The following GRIP2 variants were observed in gnomAD, a reference collection of about 807,000 sequenced individuals.
GRIP2 encodes the protein glutamate receptor-interacting protein 2.
Under a neutral mutation model 108.3 loss-of-function variants are expected in GRIP2, and 58 were observed. That is an observed-to-expected ratio of 0.54 (90% CI 0.43 to 0.67). The LOEUF (loss-of-function observed/expected upper bound fraction) is 0.67. GRIP2 is among the 30% of genes least tolerant of loss of function. The pLI is 0.00. For synonymous variants in GRIP2, 586 were observed against 598.2 expected, an observed-to-expected ratio of 0.98 and a Z score of 0.30; for missense variants, 1,278 against 1,430.6, an observed-to-expected ratio of 0.89 and a Z score of 1.72.
At chr3:14,574,121 G>T in the GRIP2 span, 1 of 1,026,804 alleles carries the variant, frequency 9.7e-7, no homozygotes, top group Non-Finnish European at 1.5e-6. Flanking sequence ...CATGCTGTGA[G>T]AAGTCCACGG....
chr3:14,598,861 G>A, the GRIP2 span, among the ~76,000 whole-genome samples: 10 of 151,768 alleles, frequency 6.6e-5, no homozygotes, highest in African/African-American at 2.2e-4. Flanking sequence ...TGTTCCCTCC[G>A]CCTGCCTTGC....
intron 21 of GRIP2, among the ~76,000 whole-genome samples, chr3:14,501,560 GAAATGGAA>G (rs1490845668): frequency 6.6e-6 from 1 of 151,960 alleles, no homozygotes; most frequent in African/African-American, 2.4e-5. Flanking sequence ...AAAATATATC[GAAATGGAA>G]AAATGAAATA....
intron 1 of GRIP2, among the ~76,000 whole-genome samples, chr3:14,530,717 T>A (rs957179283): frequency 4.6e-5 from 7 of 152,324 alleles, no homozygotes; most frequent in African/African-American, 1.4e-4. Context: ...GCTTAAAAAA[T>A]TTATTTTTAA....
Position 14,507,575 on chromosome 3 carries a change from T to C in GRIP2, c.2204A>G (p.Lys735Arg). ...VAGETVTLKI[K>R]KQLDRPLLPR... ...GCGAATCTCACGGTCTAGTTGCTTCTTGATCTTCAGTGTGACGGTCTCTCC... is the reference window on the plus strand; with the variant it reads ...GCGAATCTCACGGTCTAGTTGCTTCCTGATCTTCAGTGTGACGGTCTCTCC... The change falls in exon 18 of 24, where the codon AAG (lysine) becomes AGG (arginine). Residue 735 changes from lysine to arginine, a missense_variant. Transcript: ENST00000621039. The surrounding 1 kb of genome is among the most constrained non-coding windows in gnomAD (Gnocchi z 4.6). 1 of 1,613,732 alleles carries C rather than the reference T, an allele frequency of 6.2e-7. No individual in the cohort carries two copies. Among genetic ancestry groups the C allele is most frequent in the Non-Finnish European group, 8.5e-7 (1 of 1,179,614 alleles).
At chr3:14,567,034 A>T in the GRIP2 span, among the ~76,000 whole-genome samples, 1 of 151,882 alleles carries the variant, frequency 6.6e-6, no homozygotes, top group Admixed American at 6.5e-5. Flanking sequence ...GAATGAATGA[A>T]TGAATGAATG....
upstream of GRIP2, among the ~76,000 whole-genome samples, chr3:14,559,975 G>A (rs1195162160): frequency 6.6e-6 from 1 of 152,198 alleles, no homozygotes; most frequent in Non-Finnish European, 1.5e-5. Flanking sequence ...ATCTGAGGAT[G>A]GGCTTGGTGG....
chr3:14,514,420 C>T lies in GRIP2; in HGVS notation c.1365G>A (p.Thr455=), dbSNP rs190740403. 1.7e-4 allele frequency: 262 copies of T among 1,575,244 alleles called. 1 individual carries two copies. The highest frequency in any genetic ancestry group is 1.0e-3 in the Middle Eastern group (5 of 4,878). ...PGGQIVHTET[T]EVVLCGDPLS... is the part of the protein sequence containing the mutation. ...GGGGGTCTCCACAGAGCACGACCTC[C>T]GTGGTCTCCGTGTGCACAATCTGCC... Residue 455 remains threonine (T), a synonymous_variant, in exon 12 of 24, where the codon ACG becomes ACA. Transcript: ENST00000621039.
the GRIP2 span, among the ~76,000 whole-genome samples, chr3:14,588,804 T>C: frequency 6.6e-6 from 1 of 152,206 alleles, no homozygotes; most frequent in Non-Finnish European, 1.5e-5. Context: ...AAAGTGGTTG[T>C]TTGAAGGGCC....
the GRIP2 span, chr3:14,573,553 A>G: frequency 6.9e-7 from 1 of 1,453,106 alleles, no homozygotes; most frequent in Non-Finnish European, 9.6e-7. Context: ...TCCTCATGGA[A>G]ATAGCCCCTC....
In GRIP2 at chr3:14,506,958, C is replaced by G. The variant is rs749646204; in HGVS notation, c.2241G>C (p.Ser747=). The G allele has an allele frequency of 8.2e-5, 132 of 1,605,472 alleles. No individual in the cohort carries two copies. The highest frequency in any genetic ancestry group is 1.0e-4 in the Non-Finnish European group (123 of 1,176,076). Residue 747 remains serine (S), a synonymous_variant, in exon 19 of 24, where the codon TCG becomes TCC. Transcript: ENST00000621039. ...QLDRPLLPRK[S]GSLSETSDAD... ...CATCACTGGTCTCACTGAGGCTGCC[C>G]GACTTGCGGGGTAGGAGGGGACCTG... is the stretch of plus-strand genomic sequence containing the variant.
Position 14,517,687 on chromosome 3 carries a change from T to C in GRIP2, c.1156+85A>G. 15 of 1,525,080 alleles carry C rather than the reference T, an allele frequency of 9.8e-6. No homozygotes were observed. The South Asian group carries it at 1.8e-4, about 18-fold the overall frequency. The allele number at this position is 1,525,080 out of a possible 1,614,324, so 94.5% of individuals were successfully genotyped here. ...CAGCTCACTAATCTCTGAGTCTGAG[T>C]TTCCTTCCCTTAGACAACAGGCATC... On this transcript the variant is annotated intron_variant, in intron 10 of 23. Coordinates refer to ENST00000621039, the MANE Select transcript of GRIP2 (RefSeq NM_001080423.4).
chr3:14,572,648 A>G, the GRIP2 span, among the ~76,000 whole-genome samples: 1 of 150,348 alleles, frequency 6.7e-6, no homozygotes, highest in Non-Finnish European at 1.5e-5. Flanking sequence ...AAGCTAGAAG[A>G]TTATCACAGG....
chr3:14,530,603 C>T (rs1186867273), intron 1 of GRIP2, among the ~76,000 whole-genome samples: 1 of 152,118 alleles, frequency 6.6e-6, no homozygotes, highest in Non-Finnish European at 1.5e-5. Context: ...TATTCCTAGG[C>T]ATTTAAAGTG....
chr3:14,493,788 C>T lies in GRIP2; in HGVS notation c.3009G>A (p.Leu1003=). The T allele has an allele frequency of 6.2e-7, 1 of 1,613,588 alleles. No individual in the cohort carries two copies. Among genetic ancestry groups the T allele is most frequent in the Non-Finnish European group, 8.5e-7 (1 of 1,179,684 alleles). ...HVRTRDFDCC[L]AVPLLAEAGD... Reference sequence around the variant, plus strand: ...CCGCCTCGGCCAGGAGTGGCACCGCCAGGCAGCAGTCGAAGTCCCGTGTAC... The same window carrying T: ...CCGCCTCGGCCAGGAGTGGCACCGCTAGGCAGCAGTCGAAGTCCCGTGTAC... Residue 1003 remains leucine, a synonymous_variant, in exon 24 of 24, where the codon CTG becomes CTA. Coordinates refer to ENST00000621039, the MANE Select transcript of GRIP2 (RefSeq NM_001080423.4).
intron 1 of GRIP2, among the ~76,000 whole-genome samples, chr3:14,548,362 C>T (rs867038710): frequency 2.6e-5 from 4 of 152,216 alleles, no homozygotes; most frequent in South Asian, 4.2e-4. Context: ...GAGGCCCCTC[C>T]GGTGAAGACA....
intron 21 of GRIP2, 54 bp downstream of exon 21, chr3:14,503,512 C>G (rs1010449349): frequency 7.8e-7 from 1 of 1,276,270 alleles, no homozygotes; most frequent in Non-Finnish European, 1.1e-6. Context: ...GCACACACAC[C>G]AGAGTGAACA....
chr3:14,527,415 CGAGGGGAGGG>C (rs146440304), intron 1 of GRIP2, among the ~76,000 whole-genome samples: 2 of 126,752 alleles, frequency 1.6e-5, no homozygotes, highest in African/African-American at 3.2e-5. Flanking sequence ...AGAAGGAAAG[CGAGGGGAGGG>C]GAGGGGAGGG....
chr3:14,576,686 C>A, the GRIP2 span, among the ~76,000 whole-genome samples: 951 of 152,348 alleles, frequency 6.2e-3, 6 homozygotes, highest in African/African-American at 0.018. Flanking sequence ...AGTCAACAAA[C>A]ATGGCCTCAC....
At chr3:14,580,629 G>C in the GRIP2 span, among the ~76,000 whole-genome samples, 3 of 152,142 alleles carry the variant, frequency 2.0e-5, no homozygotes, top group African/African-American at 7.2e-5. Context: ...GTAGTTTGAG[G>C]CTGCAGTGAG....
Sources: gnomAD v4.1 joint callset for allele counts (sites outside exome capture counted in the v4.1 genomes callset) on GRCh38, gnomAD v4.1.1 for gene constraint, Gnocchi (gnomAD v3.1) non-coding constraint, MANE v1.5 for transcripts, NCBI Gene and HGNC (gene_info 2026-07-23, HGNC 2026-07-21) for gene names.